ITGB2: variants seen among roughly 807,000 people sequenced by gnomAD.
ITGB2 encodes the protein integrin subunit beta 2, also known as integrin beta-2.
Under a neutral mutation model 86.8 loss-of-function variants are expected in ITGB2, and 56 were observed. That is an observed-to-expected ratio of 0.65 (90% CI 0.52 to 0.81). The LOEUF (loss-of-function observed/expected upper bound fraction) is 0.81, where lower values mean the gene tolerates loss of function less well. Ranked by LOEUF, ITGB2 falls within the 30% of genes least tolerant of loss-of-function variation. ITGB2 has a pLI of 0.00. For synonymous variants in ITGB2, 457 were observed against 450.4 expected, an observed-to-expected ratio of 1.01 and a Z score of -0.19; for missense variants, 948 against 1,061.2, an observed-to-expected ratio of 0.89 and a Z score of 1.48.
chr21:44,890,361 C>T, intron 11 of ITGB2, 139 bp from the exon 12 acceptor site: 1 of 1,069,090 alleles, frequency 9.4e-7, no homozygotes, highest in South Asian at 1.4e-5. Context: ...GCCTACTGAG[C>T]ACTTGCCACG....
At chr21:44,889,085 G>T in intron 13 of ITGB2, 190 bp from the exon 14 acceptor site, 1 of 699,388 alleles carries the variant, frequency 1.4e-6, no homozygotes, top group Non-Finnish European at 2.5e-6. Flanking sequence ...AGGGCCCGCG[G>T]CAGGTGCGCA....
chr21:44,890,878 G>A (rs375689572), intron 11 of ITGB2, among the ~76,000 whole-genome samples: 2 of 152,168 alleles, frequency 1.3e-5, no homozygotes, highest in Non-Finnish European at 2.9e-5. Flanking sequence ...CTACAGTCCC[G>A]TGAAGAGGCC....
intron 7 of ITGB2, 102 bp from the exon 8 acceptor site, chr21:44,899,264 C>T (rs185315894): frequency 7.0e-5 from 61 of 876,256 alleles, no homozygotes; most frequent in Non-Finnish European, 1.1e-4. Context: ...GCCCGTGCTT[C>T]GAACCCTCTC....
chr21:44,914,031 C>T (rs1282230988), intron 1 of ITGB2, among the ~76,000 whole-genome samples: 1 of 152,064 alleles, frequency 6.6e-6, no homozygotes, highest in Non-Finnish European at 1.5e-5. Context: ...GAGCTCTGGC[C>T]TGGAGCCTGA....
chr21:44,898,572 C>G (rs928444735), intron 8 of ITGB2, among the ~76,000 whole-genome samples: 6 of 152,308 alleles, frequency 3.9e-5, no homozygotes, highest in African/African-American at 1.4e-4. Context: ...GCACTAGCAG[C>G]GGAAATGCAG....
intron 10 of ITGB2, 63 bp downstream of exon 10, chr21:44,893,341 C>A: frequency 6.3e-7 from 1 of 1,597,964 alleles, no homozygotes; most frequent in Non-Finnish European, 8.6e-7. Flanking sequence ...GACCCTGGCT[C>A]CTTCTGGCTG....
At chr21:44,900,653 C>G (rs1250185891) in intron 6 of ITGB2, among the ~76,000 whole-genome samples, 178 bp from the exon 7 acceptor site, 1 of 117,780 alleles carries the variant, frequency 8.5e-6, no homozygotes, top group Non-Finnish European at 2.2e-5. Flanking sequence ...CAGGAGGAGA[C>G]AACGGCCCTC....
At chr21:44,910,927 A>G in intron 1 of ITGB2, 142 bp from the exon 2 acceptor site, 1 of 784,750 alleles carries the variant, frequency 1.3e-6, no homozygotes, top group Non-Finnish European at 2.1e-6. Flanking sequence ...TCAGGCCAGC[A>G]CAGCTGCACT....
At chr21:44,922,349 A>G (rs113261247), upstream of ITGB2, among the ~76,000 whole-genome samples, 660 of 152,214 alleles carry the variant, frequency 4.3e-3, 7 homozygotes, top group African/African-American at 0.015. Context: ...AATAGCATGT[A>G]TATACCTGAA....
In ITGB2 at chr21:44,895,028, C is replaced by G. The variant is rs142185460; in HGVS notation, c.1026G>C (p.Val342=). 7.3e-4 allele frequency: 1,170 copies of G among 1,613,596 alleles called. 12 individuals are homozygous for G. In the African/African-American group the frequency reaches 0.014, roughly 19 times the overall value. ...KLTEIIPKSA[V]GELSEDSSNV... is the part of the protein sequence containing the mutation. ...TGCTGGAGTCCTCAGACAGCTCCCC[C>G]ACGGCTGACTTGGGGATGATCTCGG... The change falls in exon 9 of 16, where the codon GTG becomes GTC. Residue 342 remains valine (V), a synonymous_variant. Coordinates refer to ENST00000652462, the MANE Select transcript of ITGB2 (RefSeq NM_000211.5).
Position 44,901,778 on chromosome 21 carries a change from A to G in ITGB2, c.500-45T>C, listed in dbSNP as rs760155343. On this transcript the variant is annotated intron_variant, in intron 5 of 15. Transcript: ENST00000652462. ...GCTGGGGAGGTGGCAGGCTGGGCCCAGGTGGGAGGGCCAGCTTCAAAGGGG... is the reference window on the plus strand; with the variant it reads ...GCTGGGGAGGTGGCAGGCTGGGCCCGGGTGGGAGGGCCAGCTTCAAAGGGG... 7.6e-6 allele frequency: 12 copies of G among 1,581,422 alleles called. No homozygotes were observed. The Admixed American group carries it at 1.9e-4, about 25-fold the overall frequency.
upstream of ITGB2, among the ~76,000 whole-genome samples, chr21:44,923,469 T>C (rs1174237358): frequency 3.1e-5 from 3 of 97,378 alleles, no homozygotes; most frequent in African/African-American, 1.2e-4. Flanking sequence ...AGGGGTGGGT[T>C]GGGTTGGGGG....
chr21:44,886,917 G>T lies in ITGB2; in HGVS notation c.2081-15C>A. The T allele has an allele frequency of 6.2e-7, 1 of 1,611,144 alleles. No individual in the cohort carries two copies. On this transcript the variant is annotated splice_polypyrimidine_tract_variant and intron_variant, in intron 14 of 15. Coordinates refer to ENST00000652462, the MANE Select transcript of ITGB2 (RefSeq NM_000211.5). Reference sequence around the variant, plus strand: ...TGCCACACACTCTAGGGAAGAAGCAGCACACCTGAGCGTCAGTCCAGCCCC... The same window carrying T: ...TGCCACACACTCTAGGGAAGAAGCATCACACCTGAGCGTCAGTCCAGCCCC...
At chr21:44,909,758 T>C (rs2084100493) in intron 3 of ITGB2, among the ~76,000 whole-genome samples, 1 of 152,366 alleles carries the variant, frequency 6.6e-6, no homozygotes, top group East Asian at 1.9e-4. Flanking sequence ...CTGAATTTGA[T>C]ACATGAATTT....
chr21:44,926,481 A>G (rs1178577238), intron 1 of ITGB2, among the ~76,000 whole-genome samples: 1 of 152,190 alleles, frequency 6.6e-6, no homozygotes, highest in Non-Finnish European at 1.5e-5. Flanking sequence ...GCAGAAGGAA[A>G]TGTAGCAGCA....
At chr21:44,909,907 A>C (rs1244103030) in intron 3 of ITGB2, among the ~76,000 whole-genome samples, 2 of 152,134 alleles carry the variant, frequency 1.3e-5, no homozygotes, top group Non-Finnish European at 2.9e-5. Flanking sequence ...AAACCTGCTG[A>C]CTCTGCAGGA....
rs761739122 is a variant in ITGB2, at chr21:44,890,158, G to A, written c.1477C>T (p.Leu493=). The change falls in exon 12 of 16, where the codon CTG becomes TTG. Residue 493 remains leucine (L), a synonymous_variant. Coordinates refer to ENST00000652462, the MANE Select transcript of ITGB2 (RefSeq NM_000211.5). ...TTGTCCTTCCGGCAGCTTCCTTCCA[G>A]CTCCTGGCTGCTCCGGCCCTGTGTC... The part of the protein sequence containing the change: ...CQTQGRSSQE[L]EGSCRKDNNS... The A allele has an allele frequency of 1.3e-5, 21 of 1,613,338 alleles. No homozygotes were observed. The South Asian group carries it at 2.2e-4, about 17-fold the overall frequency.
At chr21:44,924,972 C>G (rs2084353490), upstream of ITGB2, among the ~76,000 whole-genome samples, 1 of 152,128 alleles carries the variant, frequency 6.6e-6, no homozygotes, top group Non-Finnish European at 1.5e-5. Flanking sequence ...GAGATGGAAG[C>G]AGAGGGCTTC....
At chr21:44,896,049 G>C (rs112358326) in intron 8 of ITGB2, among the ~76,000 whole-genome samples, 1 of 151,890 alleles carries the variant, frequency 6.6e-6, no homozygotes, top group Non-Finnish European at 1.5e-5. Flanking sequence ...GAGTGCTCCC[G>C]CCTGCGGTGT....
Sources: allele counts gnomAD v4.1 joint callset (sites outside exome capture counted in the v4.1 genomes callset), GRCh38; gene constraint gnomAD v4.1.1; transcripts MANE v1.5; gene names NCBI Gene and HGNC (gene_info 2026-07-23, HGNC 2026-07-21).